NFIB: variants seen among roughly 807,000 people sequenced by gnomAD.
The protein encoded by NFIB is nuclear factor I B.
A neutral mutation model predicts 61.5 loss-of-function variants in NFIB; 11 were observed. The observed-to-expected ratio is 0.18, with a 90% CI of 0.11 to 0.30. The LOEUF (loss-of-function observed/expected upper bound fraction) is 0.30, where lower values mean the gene tolerates loss of function less well. Among genes scored for constraint, NFIB ranks in the 10% least tolerant of loss-of-function variants. The pLI, the probability that NFIB is intolerant of heterozygous loss-of-function variation, is 1.00. For missense variants in NFIB, 471 were observed against 608.9 expected (o/e 0.77, Z 2.38); for synonymous variants, 260 against 216.5 (o/e 1.20, Z -1.76).
chr9:14,487,339 G>A, the NFIB span, among the ~76,000 whole-genome samples: 2 of 152,166 alleles, frequency 1.3e-5, no homozygotes, highest in African/African-American at 4.8e-5. Context: ...TTGCATCCTG[G>A]TTACCCTTTT....
intron 2 of NFIB, among the ~76,000 whole-genome samples, chr9:14,237,932 C>CA (rs2053958963): frequency 6.8e-6 from 1 of 147,162 alleles, no homozygotes; most frequent in Non-Finnish European, 1.5e-5. Context: ...AGCAGATTAT[C>CA]AAAGTCCTAA....
intron 3 of NFIB, among the ~76,000 whole-genome samples, chr9:14,164,183 C>A (rs745891686): frequency 9.9e-5 from 15 of 151,334 alleles, no homozygotes; most frequent in Non-Finnish European, 1.8e-4. Flanking sequence ...ACAGAAAAAC[C>A]ACTTCCATGC....
intron 2 of NFIB, among the ~76,000 whole-genome samples, chr9:14,257,815 C>T (rs1240558464): frequency 2.6e-5 from 4 of 152,000 alleles, no homozygotes; most frequent in Admixed American, 6.6e-5. Flanking sequence ...AATAATGTGC[C>T]AGCTATGGTT....
chr9:14,418,015 G>A, the NFIB span, among the ~76,000 whole-genome samples: 67 of 152,080 alleles, frequency 4.4e-4, no homozygotes, highest in Admixed American at 1.3e-3. Flanking sequence ...CTGACCTCAG[G>A]TGATCCACCC....
At position 14,307,785 on chromosome 9, in the gene NFIB, T is replaced by C. The variant is rs981694792; in HGVS notation, c.31-265A>G. 3.5e-5 allele frequency: 11 copies of C among 313,106 alleles called. No individual in the cohort carries two copies. Among genetic ancestry groups the C allele is most frequent in the Non-Finnish European group, 6.5e-5 (11 of 169,268 alleles). The allele number at this position is 313,106 out of a possible 1,614,324, so 19.4% of individuals were successfully genotyped here. ...ATAAGGTTTATATTTTGTATTACACTCTGGCCCCATCCCCCTTGTTTCCAC... is the reference window on the plus strand; with the variant it reads ...ATAAGGTTTATATTTTGTATTACACCCTGGCCCCATCCCCCTTGTTTCCAC... On this transcript the variant is annotated intron_variant, in intron 1 of 10. Coordinates refer to ENST00000380953, the MANE Select transcript of NFIB (RefSeq NM_001190737.2). This position sits in a 1 kb window ranked among gnomAD's most constrained non-coding sequence, Gnocchi z 5.3.
the NFIB span, among the ~76,000 whole-genome samples, chr9:14,466,326 C>G: frequency 6.6e-6 from 1 of 152,110 alleles, no homozygotes; most frequent in African/African-American, 2.4e-5. Context: ...GCGGACGTGT[C>G]TTTTCTTATT....
intron 2 of NFIB, among the ~76,000 whole-genome samples, chr9:14,280,878 A>T (rs1430603225): frequency 6.6e-6 from 1 of 152,168 alleles, no homozygotes; most frequent in African/African-American, 2.4e-5. Context: ...ATTCTTTTAT[A>T]TGTTATATAG....
chr9:14,500,682 C>T, the NFIB span, among the ~76,000 whole-genome samples: 1 of 152,168 alleles, frequency 6.6e-6, no homozygotes, highest in Non-Finnish European at 1.5e-5. Flanking sequence ...ATAAGTATTT[C>T]TTGAATGAAT....
At chr9:14,437,673 A>T in the NFIB span, among the ~76,000 whole-genome samples, 1 of 152,140 alleles carries the variant, frequency 6.6e-6, no homozygotes, top group African/African-American at 2.4e-5. Flanking sequence ...AGCTGACAGG[A>T]GGGCCCGGGA....
At chr9:14,279,286 T>A (rs1028772033) in intron 2 of NFIB, among the ~76,000 whole-genome samples, 1 of 152,116 alleles carries the variant, frequency 6.6e-6, no homozygotes, top group African/African-American at 2.4e-5. Context: ...GGATATTACA[T>A]CTACTAATCA....
chr9:14,145,414 T>A (rs986555281), intron 6 of NFIB, among the ~76,000 whole-genome samples: 2 of 152,138 alleles, frequency 1.3e-5, no homozygotes, highest in African/African-American at 4.8e-5. Context: ...GGAGGTACAC[T>A]TGACTCAAAG....
chr9:14,315,998 C>T (rs1364074851), upstream of NFIB, among the ~76,000 whole-genome samples: 5 of 152,038 alleles, frequency 3.3e-5, no homozygotes, highest in East Asian at 9.8e-4. Context: ...GTCCTCTTTC[C>T]ACCGCTTCCC....
At chr9:14,322,780 A>T (rs954995579) in intron 1 of NFIB, among the ~76,000 whole-genome samples, 2 of 149,798 alleles carry the variant, frequency 1.3e-5, no homozygotes, top group African/African-American at 5.0e-5. Context: ...GCCCCTCTCG[A>T]GCGTGGGTGG....
At chr9:14,495,445 A>ATTTTTTTTTTTT in the NFIB span, among the ~76,000 whole-genome samples, 370 of 97,988 alleles carry the variant, frequency 3.8e-3, 12 homozygotes, top group East Asian at 0.012. Context: ...AGAGAAATGA[A>ATTTTTTTTTTTT]CTTTTTTTTT....
chr9:14,421,689 A>C, the NFIB span, among the ~76,000 whole-genome samples: 217 of 152,348 alleles, frequency 1.4e-3, no homozygotes, highest in African/African-American at 4.9e-3. Context: ...AAAGCAAAGG[A>C]TGCCACACTA....
At chr9:14,511,374 C>T in the NFIB span, among the ~76,000 whole-genome samples, 2 of 151,666 alleles carry the variant, frequency 1.3e-5, no homozygotes, top group African/African-American at 2.4e-5. Flanking sequence ...GTAAATTTTT[C>T]ATTTCCCTAT....
chr9:14,516,481 G>C, the NFIB span, among the ~76,000 whole-genome samples: 2 of 152,102 alleles, frequency 1.3e-5, no homozygotes, highest in Non-Finnish European at 2.9e-5. Flanking sequence ...CAAAAAAAAG[G>C]CTTGGTTCTT....
the NFIB span, among the ~76,000 whole-genome samples, chr9:14,458,519 C>A: frequency 1.1e-4 from 17 of 152,226 alleles, no homozygotes; most frequent in African/African-American, 4.1e-4. Context: ...CTGGCCAGGG[C>A]AATCATGCAG....
chr9:14,351,779 C>T (rs2061115888), intron 1 of NFIB, among the ~76,000 whole-genome samples: 1 of 152,154 alleles, frequency 6.6e-6, no homozygotes, highest in Non-Finnish European at 1.5e-5. Flanking sequence ...TTGTCCTGTC[C>T]TTCTCACCAT....
Sources: allele counts gnomAD v4.1 joint callset (sites outside exome capture counted in the v4.1 genomes callset), GRCh38; gene constraint gnomAD v4.1.1; non-coding constraint Gnocchi (gnomAD v3.1); transcripts MANE v1.5; gene names NCBI Gene and HGNC (gene_info 2026-07-23, HGNC 2026-07-21).